The following KNDC1 variants were observed in gnomAD, a reference collection of about 807,000 sequenced individuals.
The protein encoded by KNDC1 is kinase non-catalytic C-lobe domain-containing protein 1.
A neutral mutation model predicts 172.8 loss-of-function variants in KNDC1; 106 were observed. That is an observed-to-expected ratio of 0.61 (90% confidence interval 0.52 to 0.72). The LOEUF (loss-of-function observed/expected upper bound fraction) is 0.72. KNDC1 is among the 30% of genes least tolerant of loss of function. The probability of loss-of-function intolerance (pLI) is 0.00; values close to 1 mark genes in which losing one functional copy is unlikely to be tolerated. For synonymous variants in KNDC1, 1,083 were observed against 1,062.2 expected (o/e 1.02, Z -0.38); for missense variants, 2,325 against 2,394.5 (o/e 0.97, Z 0.61).
intron 17 of KNDC1, chr10:133,202,412 AGAG>A (rs1440886900): frequency 2.4e-6 from 1 of 422,488 alleles, no homozygotes; most frequent in South Asian, 1.7e-5. Flanking sequence ...GCCAGCAGGG[AGAG>A]GAGGTCTTAG....
At chr10:133,175,942 G>A (rs1295000452) in intron 3 of KNDC1, among the ~76,000 whole-genome samples, 7 of 148,296 alleles carry the variant, frequency 4.7e-5, no homozygotes, top group South Asian at 4.5e-4. Flanking sequence ...GGATGGATGG[G>A]TGGGTGAATG....
At chr10:133,189,102 C>T (rs965606244) in intron 7 of KNDC1, among the ~76,000 whole-genome samples, 9 of 152,206 alleles carry the variant, frequency 5.9e-5, no homozygotes, top group African/African-American at 1.4e-4. Flanking sequence ...GGGTCTGCCC[C>T]GTCAAAGCCT....
intron 26 of KNDC1, among the ~76,000 whole-genome samples, chr10:133,215,308 G>A (rs1845450058): frequency 2.0e-5 from 3 of 152,210 alleles, no homozygotes; most frequent in Non-Finnish European, 4.4e-5. Context: ...GTACCTCCCT[G>A]CCAGGCGGCA....
At chr10:133,184,025 C>A in intron 5 of KNDC1, 36 bp downstream of exon 5, 1 of 1,267,932 alleles carries the variant, frequency 7.9e-7, no homozygotes, top group Non-Finnish European at 1.1e-6. Context: ...CATCCTCATG[C>A]ACATATACCT....
chr10:133,186,627 A>G lies in KNDC1; in HGVS notation c.1279A>G (p.Arg427Gly), dbSNP rs748758379. 3 of 1,595,618 alleles carry G rather than the reference A, an allele frequency of 1.9e-6. No individual in the cohort carries two copies. The highest frequency in any genetic ancestry group is 2.5e-6 in the Non-Finnish European group (3 of 1,178,680). Residue 427 changes from arginine to glycine, a missense_variant, in exon 6 of 30, where the codon AGA (arginine) becomes GGA (glycine). Coordinates refer to ENST00000304613, the MANE Select transcript of KNDC1 (RefSeq NM_152643.8). ...AGCCCAGACTCCCAGGGACGATGAG[A>G]GAATTCCAGAAGGAGCTAGGCAGCT... ...GEAQTPRDDERIPEGARQLES... is the reference protein window; with the variant it reads ...GEAQTPRDDEGIPEGARQLES...
chr10:133,172,574 C>T (rs930116695), intron 3 of KNDC1, among the ~76,000 whole-genome samples: 24 of 152,168 alleles, frequency 1.6e-4, no homozygotes, highest in Admixed American at 2.6e-4. Context: ...AGCAGCACCC[C>T]CTCCCTTTCT....
In KNDC1 at chr10:133,177,001, G is replaced by C. The variant is rs73386701; in HGVS notation, c.361-6343G>C. ...GATGCAGCCTCTGCCATCTGAGTCT[G>C]CGTTCCCTGCTGCCCTGCATGGCAG... On this transcript the variant is annotated intron_variant, in intron 3 of 29. Coordinates refer to ENST00000304613, the MANE Select transcript of KNDC1 (RefSeq NM_152643.8). Among the ~76,000 whole-genome samples the C allele has an allele frequency of 1.7e-3, 259 of 152,306 alleles. 1 individual carries two copies. The highest frequency in any genetic ancestry group is 5.8e-3 in the African/African-American group (243 of 41,550).
intron 23 of KNDC1, among the ~76,000 whole-genome samples, chr10:133,212,364 T>C (rs528708453): frequency 6.6e-6 from 1 of 152,330 alleles, no homozygotes; most frequent in South Asian, 2.1e-4. Flanking sequence ...GCAGCCCTGC[T>C]GCGCTGGCAC....
At chr10:133,165,248 G>A (rs530501329) in intron 1 of KNDC1, among the ~76,000 whole-genome samples, 2 of 152,222 alleles carry the variant, frequency 1.3e-5, no homozygotes, top group African/African-American at 2.4e-5. Context: ...ACCTCTCATG[G>A]GTGCTGGGGC....
chr10:133,160,730 T>C (rs1852938778), intron 1 of KNDC1, among the ~76,000 whole-genome samples, 161 bp downstream of exon 1: 1 of 151,990 alleles, frequency 6.6e-6, no homozygotes, highest in Non-Finnish European at 1.5e-5. Context: ...CGTTAGGATT[T>C]TCACCCGGAG....
intron 24 of KNDC1, among the ~76,000 whole-genome samples, chr10:133,213,244 C>A (rs553802725): frequency 3.9e-5 from 6 of 152,238 alleles, no homozygotes; most frequent in Non-Finnish European, 8.8e-5. Context: ...TCTCTCCCCC[C>A]AGCCCCTCCA....
At chr10:133,214,322 C>T (rs3008371) in intron 26 of KNDC1, among the ~76,000 whole-genome samples, 200 bp downstream of exon 26, 55,407 of 152,134 alleles carry the variant, frequency 0.36, 11,501 homozygotes, top group East Asian at 0.62. Flanking sequence ...GGGGGTCAGC[C>T]GCCCTCCCAG....
At chr10:133,210,806 T>C (rs1283462620) in intron 21 of KNDC1, 82 bp downstream of exon 21, 7 of 1,185,232 alleles carry the variant, frequency 5.9e-6, no homozygotes, top group Admixed American at 5.1e-5. Context: ...TTAGCCACCA[T>C]GAAGAACGAG....
chr10:133,183,037 G>A (rs1184593546), intron 3 of KNDC1, among the ~76,000 whole-genome samples: 2 of 150,738 alleles, frequency 1.3e-5, no homozygotes, highest in African/African-American at 4.9e-5. Context: ...CGAGCAGCAT[G>A]GGCGGCGTGG....
chr10:133,181,861 C>CACACA (rs33923925), intron 3 of KNDC1, among the ~76,000 whole-genome samples: 2 of 151,506 alleles, frequency 1.3e-5, no homozygotes, highest in Non-Finnish European at 3.0e-5. Flanking sequence ...CACACACACA[C>CACACA]CAGACTGTGG....
chr10:133,212,958 C>A (rs376219333), intron 24 of KNDC1, 36 bp downstream of exon 24: 2 of 1,572,210 alleles, frequency 1.3e-6, no homozygotes, highest in East Asian at 4.5e-5. Context: ...AGGTCACCTG[C>A]GAGTCGGGGC....
At chr10:133,193,283 G>A (rs1273928032) in intron 9 of KNDC1, among the ~76,000 whole-genome samples, 4 of 152,342 alleles carry the variant, frequency 2.6e-5, no homozygotes, top group Admixed American at 2.6e-4. Context: ...CCAACACTTT[G>A]GGAGGCTGAG....
At chr10:133,218,481 C>T (rs879651424) in intron 26 of KNDC1, among the ~76,000 whole-genome samples, 6 of 152,090 alleles carry the variant, frequency 3.9e-5, no homozygotes, top group South Asian at 2.1e-4. Context: ...GACACGACAG[C>T]GGCCTCTCCC....
Position 133,207,207 on chromosome 10 carries a change from C to A in KNDC1, c.3650C>A (p.Pro1217His). 6.2e-7 allele frequency: 1 copy of A among 1,612,184 alleles called. No homozygotes were observed. The highest frequency in any genetic ancestry group is 8.5e-7 in the Non-Finnish European group (1 of 1,179,822). The change falls in exon 20 of 30, where the codon CCC becomes CAC. Residue 1217 changes from proline (P) to histidine (H), a missense_variant. Transcript: ENST00000304613. ...LPVIVNIAAA[P>H]CDTLDFSPLD... is the part of the protein sequence containing the mutation. The stretch of plus-strand genomic sequence containing the variant: ...GTGATCGTGAACATCGCGGCCGCAC[C>A]CTGCGACACGCTGGACTTCAGCCCC...
Sources: gnomAD v4.1 joint callset for allele counts (sites outside exome capture counted in the v4.1 genomes callset) on GRCh38, gnomAD v4.1.1 for gene constraint, MANE v1.5 for transcripts, NCBI Gene and HGNC (gene_info 2026-07-23, HGNC 2026-07-21) for gene names.